Variants in DAZL observed in about 807,000 individuals in gnomAD.
DAZL encodes the protein deleted in azoospermia like, also known as deleted in azoospermia-like.
DAZL carries 4 observed loss-of-function variants against 45.0 expected under a neutral mutation model. The ratio of observed to expected loss-of-function variants is 0.09; its 90% CI spans 0.04 to 0.20. The LOEUF (loss-of-function observed/expected upper bound fraction) is 0.20, where lower values mean the gene tolerates loss of function less well. DAZL is among the 10% of genes least tolerant of loss of function. DAZL has a pLI of 1.00. For missense variants in DAZL, 326 were observed against 351.3 expected (o/e 0.93, Z 0.58); for synonymous variants, 122 against 112.4 (o/e 1.09, Z -0.54).
chr3:16,597,492 C>A lies in DAZL; in HGVS notation c.292G>T (p.Glu98Ter). Reference sequence around the variant, plus strand: ...GATTTTTCTATTAGATTACTTACTTCTACTATCTTCTGCACATCCACGTCA... The same window carrying A: ...GATTTTTCTATTAGATTACTTACTTATACTATCTTCTGCACATCCACGTCA... ...FNDVDVQKIVESQINFHGKKL... is the reference protein window; with the variant it reads ...FNDVDVQKIV Residue 98 changes from glutamate to a stop codon, truncating the protein, a stop_gained and splice_region_variant, in exon 4 of 11, where the codon GAA becomes TAA. Coordinates refer to ENST00000399444, the MANE Select transcript of DAZL (RefSeq NM_001351.4). LOFTEE classifies it high-confidence loss of function. 1 of 1,531,084 alleles carries A rather than the reference C, an allele frequency of 6.5e-7. No homozygotes were observed. Among genetic ancestry groups the A allele is most frequent in the Non-Finnish European group, 9.1e-7 (1 of 1,104,888 alleles). The allele number at this position is 1,531,084 out of a possible 1,614,324, so 94.8% of individuals were successfully genotyped here. A position where few individuals can be genotyped will look rare whatever the true frequency, so the allele number is the denominator to read the frequency against.
chr3:16,602,002 A>C (rs1166795577), intron 1 of DAZL, among the ~76,000 whole-genome samples: 1 of 151,608 alleles, frequency 6.6e-6, no homozygotes, highest in African/African-American at 2.4e-5. Flanking sequence ...TGTAGTTATC[A>C]AAGTTACGTT....
chr3:16,598,756 C>G lies in DAZL; in HGVS notation c.4-158G>C, dbSNP rs535467652. Among the ~76,000 whole-genome samples the G allele has an allele frequency of 2.6e-5, 4 of 151,328 alleles. No homozygotes were observed. The South Asian group carries it at 8.4e-4, about 32-fold the overall frequency. ...AGGATTTAAACTTATCAGAGTAGAT[C>G]AGCATGAAATTTTAATGAAAGGATA... On this transcript the variant is annotated intron_variant, in intron 1 of 10. Transcript: ENST00000399444.
chr3:16,604,801 C>A (rs1021514915), intron 1 of DAZL: 3 of 1,237,736 alleles, frequency 2.4e-6, no homozygotes, highest in East Asian at 6.1e-5. Context: ...GGGGGAGGGG[C>A]GGAGGCGCGT....
In DAZL at chr3:16,589,895, C is replaced by T. The variant is rs1265076593; in HGVS notation, c.835-1182G>A. 3.0e-5 allele frequency among the ~76,000 whole-genome samples: 4 copies of T among 134,648 alleles called. No homozygotes were observed. The South Asian group carries it at 7.1e-4, about 24-fold the overall frequency. 88.3% of individuals were successfully genotyped at this position (134,648 alleles called of 152,430 possible). A position where few individuals can be genotyped will look rare whatever the true frequency, so the allele number is the denominator to read the frequency against. On this transcript the variant is annotated intron_variant, in intron 10 of 10. Coordinates refer to ENST00000399444, the MANE Select transcript of DAZL (RefSeq NM_001351.4). ...CAGGGGCAATATAGTAAGATTCTGT[C>T]TCTTAAAAAAAAAAAAAAAATCTTT...
chr3:16,595,272 A>G, intron 7 of DAZL, 42 bp downstream of exon 7: 1 of 1,195,796 alleles, frequency 8.4e-7, no homozygotes, highest in Non-Finnish European at 1.2e-6. Context: ...AAAGGCCTCA[A>G]TAAAATCTGA....
chr3:16,591,906 A>C lies in DAZL; in HGVS notation c.834+144T>G. On this transcript the variant is annotated intron_variant, in intron 10 of 10. Coordinates refer to ENST00000399444, the MANE Select transcript of DAZL (RefSeq NM_001351.4). ...GAAAATATACTGCCAGGTAAAACCC[A>C]CTCTGGTTTACTGTGTTATAGTCAA... 4.3e-6 allele frequency: 4 copies of C among 919,700 alleles called. No homozygotes were observed. The South Asian group carries it at 6.1e-5, about 14-fold the overall frequency. The allele number at this position is 919,700 out of a possible 1,614,324, so 57.0% of individuals were successfully genotyped here.
intron 10 of DAZL, 44 bp from the exon 11 acceptor site, chr3:16,588,757 T>G: frequency 6.8e-7 from 1 of 1,468,894 alleles, no homozygotes; most frequent in Non-Finnish European, 9.5e-7. Context: ...TGAAAATTTC[T>G]GATTACTACT....
chr3:16,596,726 A>G (rs1428189828), intron 6 of DAZL, 24 bp downstream of exon 6: 3 of 1,612,222 alleles, frequency 1.9e-6, no homozygotes, highest in Non-Finnish European at 2.5e-6. Flanking sequence ...AAACAAGAGA[A>G]TAGGAACGTT....
intron 10 of DAZL, among the ~76,000 whole-genome samples, chr3:16,590,039 A>C (rs77320748): frequency 0.14 from 21,816 of 152,184 alleles, 2,001 homozygotes; most frequent in East Asian, 0.46. Context: ...TTACACTGCA[A>C]TCCAGCCTAG....
rs1218354820 is a variant in DAZL, at chr3:16,586,839, T to A, written c.*1821A>T. ...TTTATTCATGTATGCAAAGACAGTA[T>A]CAGCAATAGGCAGAAGCATATTTCT... On this transcript the variant is annotated 3_prime_UTR_variant, in exon 11 of 11. Coordinates refer to ENST00000399444, the MANE Select transcript of DAZL (RefSeq NM_001351.4). 1 of 152,176 alleles carries A rather than the reference T, an allele frequency of 6.6e-6. No individual in the cohort carries two copies. Among genetic ancestry groups the A allele is most frequent in the Non-Finnish European group, 1.5e-5 (1 of 68,008 alleles). The allele number at this position is 152,176 out of a possible 1,614,324, so 9.4% of individuals were successfully genotyped here. A position where few individuals can be genotyped will look rare whatever the true frequency, so the allele number is the denominator to read the frequency against.
chr3:16,605,060 G>T, intron 1 of DAZL, 143 bp downstream of exon 1: 2 of 1,118,824 alleles, frequency 1.8e-6, no homozygotes, highest in Non-Finnish European at 2.7e-6. Flanking sequence ...AACTCTGTGG[G>T]CCATGGCTGT....
At chr3:16,599,038 C>A (rs549821222) in intron 1 of DAZL, among the ~76,000 whole-genome samples, 1 of 152,154 alleles carries the variant, frequency 6.6e-6, no homozygotes, top group Non-Finnish European at 1.5e-5. Flanking sequence ...CCGCCTTGGC[C>A]TCCCAAAGTG....
intron 10 of DAZL, among the ~76,000 whole-genome samples, chr3:16,591,694 A>G (rs1314382320): frequency 1.3e-5 from 2 of 152,116 alleles, no homozygotes; most frequent in African/African-American, 2.4e-5. Flanking sequence ...TCAGCCCCCA[A>G]AAGTGCTGGG....
intron 1 of DAZL, among the ~76,000 whole-genome samples, chr3:16,599,617 G>A (rs1694653051): frequency 6.6e-6 from 1 of 152,072 alleles, no homozygotes; most frequent in African/African-American, 2.4e-5. Context: ...ATCACAGTAG[G>A]CAGATATAAA....
rs117986067 is a variant in DAZL at position 16,586,885 on chromosome 3, A to G, written c.*1775T>C. 23 of 152,266 alleles carry G rather than the reference A, an allele frequency of 1.5e-4. No individual in the cohort carries two copies. The East Asian group carries it at 2.3e-3, about 15-fold the overall frequency. The allele number at this position is 152,266 out of a possible 1,614,324, so 9.4% of individuals were successfully genotyped here. A position where few individuals can be genotyped will look rare whatever the true frequency, so the allele number is the denominator to read the frequency against. On this transcript the variant is annotated 3_prime_UTR_variant, in exon 11 of 11. Coordinates refer to ENST00000399444, the MANE Select transcript of DAZL (RefSeq NM_001351.4). ...TTTCTAAGTTTAGAATTAATTTTCC[A>G]TTTTGAAAGGTTCAGGACTTTATCT...
At chr3:16,603,693 T>C (rs980243325) in intron 1 of DAZL, among the ~76,000 whole-genome samples, 1 of 152,178 alleles carries the variant, frequency 6.6e-6, no homozygotes, top group Non-Finnish European at 1.5e-5. Flanking sequence ...CATAAGCGAA[T>C]TCGGTAAAAT....
At chr3:16,594,308 C>T (rs1694564494) in intron 8 of DAZL, among the ~76,000 whole-genome samples, 1 of 151,942 alleles carries the variant, frequency 6.6e-6, no homozygotes, top group Admixed American at 6.6e-5. Context: ...TTATGTGGAC[C>T]AGCCATTGCT....
chr3:16,596,365 T>C (rs1340954271), intron 6 of DAZL, among the ~76,000 whole-genome samples: 1 of 152,056 alleles, frequency 6.6e-6, no homozygotes, highest in Non-Finnish European at 1.5e-5. Context: ...GCAATTTATA[T>C]GAGGAGGCAT....
intron 8 of DAZL, among the ~76,000 whole-genome samples, chr3:16,594,273 T>C (rs1221702863): frequency 6.6e-6 from 1 of 152,032 alleles, no homozygotes; most frequent in African/African-American, 2.4e-5. Context: ...ATATAGTCTA[T>C]CAACAAGTAA....
Sources: allele counts gnomAD v4.1 joint callset (sites outside exome capture counted in the v4.1 genomes callset), GRCh38; gene constraint gnomAD v4.1.1; transcripts MANE v1.5; gene names NCBI Gene and HGNC (gene_info 2026-07-23, HGNC 2026-07-21).